PTPRD: variants seen among roughly 807,000 people sequenced by gnomAD.
The protein encoded by PTPRD is protein tyrosine phosphatase receptor type D.
Under a neutral mutation model 214.5 loss-of-function variants are expected in PTPRD, and 34 were observed. That is an observed-to-expected ratio of 0.16 (90% CI 0.12 to 0.21). The LOEUF is 0.21. Among genes scored for constraint, PTPRD ranks in the 10% least tolerant of loss-of-function variants. The pLI, the probability that PTPRD is intolerant of heterozygous loss-of-function variation, is 1.00. For synonymous variants in PTPRD, 1,128 were observed against 845.7 expected (o/e 1.33, Z -5.79); for missense variants, 2,545 against 2,398.7 (o/e 1.06, Z -1.27).
intron 7 of PTPRD, among the ~76,000 whole-genome samples, chr9:9,657,334 C>T (rs2096538579): frequency 6.6e-6 from 1 of 152,080 alleles, no homozygotes; most frequent in Non-Finnish European, 1.5e-5. Context: ...CCACCATTCT[C>T]AGCAAAGTTA....
intron 17 of PTPRD, chr9:8,525,309 C>T: frequency 2.0e-6 from 1 of 511,932 alleles, no homozygotes; most frequent in Non-Finnish European, 3.6e-6. Flanking sequence ...CTCTTATTTC[C>T]TAGACTAATA....
chr9:8,493,018 G>A (rs1168299231), intron 26 of PTPRD, 39 bp from the exon 27 acceptor site: 2 of 1,510,028 alleles, frequency 1.3e-6, no homozygotes, highest in East Asian at 4.6e-5. Flanking sequence ...TTCAAAACAT[G>A]CTACTAATGC....
chr9:10,124,367 T>A (rs2098799455), intron 3 of PTPRD, among the ~76,000 whole-genome samples: 1 of 152,190 alleles, frequency 6.6e-6, no homozygotes, highest in South Asian at 2.1e-4. Context: ...CTCCTGAAAG[T>A]AAAGTACACT....
chr9:9,527,458 A>G (rs1371969631), intron 8 of PTPRD, among the ~76,000 whole-genome samples: 1 of 152,214 alleles, frequency 6.6e-6, no homozygotes, highest in Non-Finnish European at 1.5e-5. Flanking sequence ...CTGTCTCTTC[A>G]TCAGAAAATA....
Position 8,654,256 on chromosome 9 carries a change from A to G in PTPRD, c.65-17412T>C, listed in dbSNP as rs150137364. ...CTCCAAACATAGTCAACTACCCCCTACTTGGTACTGCTCTATTCCATTTAA... is the reference window on the plus strand; with the variant it reads ...CTCCAAACATAGTCAACTACCCCCTGCTTGGTACTGCTCTATTCCATTTAA... On this transcript the variant is annotated intron_variant, in intron 12 of 45. Transcript: ENST00000381196. 2.6e-3 allele frequency among the ~76,000 whole-genome samples: 389 copies of G among 152,254 alleles called. 8 individuals are homozygous for G. The highest frequency in any genetic ancestry group is 1.7e-3 in the Non-Finnish European group (116 of 68,008).
At chr9:9,722,967 A>G (rs2097991851) in intron 7 of PTPRD, among the ~76,000 whole-genome samples, 1 of 152,074 alleles carries the variant, frequency 6.6e-6, no homozygotes, top group African/African-American at 2.4e-5. Context: ...ATTTCACAAC[A>G]CTTTCTCCCA....
At chr9:9,579,895 G>C (rs1209521190) in intron 7 of PTPRD, among the ~76,000 whole-genome samples, 4 of 151,976 alleles carry the variant, frequency 2.6e-5, no homozygotes, top group Admixed American at 6.6e-5. Flanking sequence ...ATCAACCCAA[G>C]CTCTAAGTCC....
At chr9:8,858,836 CACACAG>C (rs2098026816) in intron 11 of PTPRD, among the ~76,000 whole-genome samples, 1 of 134,642 alleles carries the variant, frequency 7.4e-6, no homozygotes, top group Non-Finnish European at 1.6e-5. Context: ...CACATACACA[CACACAG>C]ACACACAGAC....
At chr9:9,185,493 C>G (rs1569559970) in intron 9 of PTPRD, among the ~76,000 whole-genome samples, 1 of 152,080 alleles carries the variant, frequency 6.6e-6, no homozygotes, top group Admixed American at 6.6e-5. Flanking sequence ...TAAGTTTAGT[C>G]TTGCTTGGCA....
intron 3 of PTPRD, among the ~76,000 whole-genome samples, chr9:10,113,293 C>G (rs577480858): frequency 6.6e-6 from 1 of 152,124 alleles, no homozygotes; most frequent in Non-Finnish European, 1.5e-5. Flanking sequence ...TTTCATTTTA[C>G]AAATGGGGAA....
intron 7 of PTPRD, among the ~76,000 whole-genome samples, chr9:9,608,068 T>C (rs1259221162): frequency 6.6e-6 from 1 of 152,014 alleles, no homozygotes; most frequent in Non-Finnish European, 1.5e-5. Context: ...CTCAAAGAGG[T>C]TAAGATCACT....
chr9:10,305,733 C>T (rs951646936), intron 3 of PTPRD, among the ~76,000 whole-genome samples: 1 of 152,102 alleles, frequency 6.6e-6, no homozygotes, highest in African/African-American at 2.4e-5. Flanking sequence ...TACCTTCTCA[C>T]TTCAGTTACA....
chr9:9,510,326 T>G (rs1193574781), intron 8 of PTPRD, among the ~76,000 whole-genome samples: 2 of 151,862 alleles, frequency 1.3e-5, no homozygotes, highest in South Asian at 4.1e-4. Context: ...TATAAACTTT[T>G]AAAAACAGGA....
chr9:8,838,471 C>A (rs10815968), intron 11 of PTPRD, among the ~76,000 whole-genome samples: 2 of 151,970 alleles, frequency 1.3e-5, no homozygotes, highest in Non-Finnish European at 2.9e-5. Flanking sequence ...AATCAACTAA[C>A]ATACTTTTTA....
At chr9:9,348,122 T>C (rs2137908023) in intron 9 of PTPRD, among the ~76,000 whole-genome samples, 1 of 152,226 alleles carries the variant, frequency 6.6e-6, no homozygotes, top group East Asian at 1.9e-4. Context: ...CTTTCAATGT[T>C]CCCACCAAAA....
chr9:9,195,208 A>T (rs1460352289), intron 9 of PTPRD, among the ~76,000 whole-genome samples: 1 of 151,818 alleles, frequency 6.6e-6, no homozygotes, highest in Non-Finnish European at 1.5e-5. Context: ...TGAAAACTTG[A>T]GCATACATCT....
chr9:10,087,468 A>G (rs1381957371), intron 3 of PTPRD, among the ~76,000 whole-genome samples: 1 of 151,756 alleles, frequency 6.6e-6, no homozygotes. Flanking sequence ...TTGATCCTTC[A>G]GAGTGTAGTT....
rs562675589 is a variant in PTPRD, at chr9:10,107,419, T to C, written c.-544-73629A>G. ...ACATGACTCATTTTTTTGTTGTAAA[T>C]AGAATTTTACAGAAGCAGCCCTGGA... On this transcript the variant is annotated intron_variant, in intron 3 of 45. Coordinates refer to ENST00000381196, the MANE Select transcript of PTPRD (RefSeq NM_002839.4). Among the ~76,000 whole-genome samples, 321 of 152,058 alleles carry C rather than the reference T, an allele frequency of 2.1e-3. 1 individual carries two copies. The highest frequency in any genetic ancestry group is 7.4e-3 in the African/African-American group (308 of 41,474).
chr9:8,523,618 G>A, intron 18 of PTPRD, 94 bp from the exon 19 acceptor site: 1 of 1,332,822 alleles, frequency 7.5e-7, no homozygotes, highest in East Asian at 2.4e-5. Flanking sequence ...GCCATATCAA[G>A]GCTTTCAACT....
Sources: allele counts gnomAD v4.1 joint callset (sites outside exome capture counted in the v4.1 genomes callset), GRCh38; gene constraint gnomAD v4.1.1; transcripts MANE v1.5; gene names NCBI Gene and HGNC (gene_info 2026-07-23, HGNC 2026-07-21).